The following SCUBE2 variants were observed in gnomAD, a reference collection of about 807,000 sequenced individuals.
The protein encoded by SCUBE2 is signal peptide, CUB and EGF-like domain-containing protein 2.
A neutral mutation model predicts 125.9 loss-of-function variants in SCUBE2; 114 were observed. The ratio of observed to expected loss-of-function variants is 0.91; its 90% CI spans 0.78 to 1.06. SCUBE2 has a LOEUF of 1.06. SCUBE2 is among the 50% of genes least tolerant of loss of function. The probability of loss-of-function intolerance (pLI) is 0.00; values close to 1 mark genes in which losing one functional copy is unlikely to be tolerated. For synonymous variants in SCUBE2, 459 were observed against 492.9 expected (o/e 0.93, Z 0.91); for missense variants, 1,255 against 1,301.8 (o/e 0.96, Z 0.55).
intron 2 of SCUBE2, among the ~76,000 whole-genome samples, chr11:9,086,409 C>T (rs1318819012): frequency 6.6e-6 from 1 of 152,166 alleles, no homozygotes; most frequent in East Asian, 1.9e-4. Flanking sequence ...TCCCAAGAGG[C>T]TCAAAAATTA....
rs781753213 is a variant in SCUBE2, at chr11:9,065,924, C to A, written c.817G>T (p.Gly273Trp). The A allele has an allele frequency of 3.1e-6, 5 of 1,614,208 alleles. No individual in the cohort carries two copies. The highest frequency in any genetic ancestry group is 4.2e-6 in the Non-Finnish European group (5 of 1,180,038). Residue 273 changes from glycine to tryptophan, a missense_variant, in exon 7 of 23, where the codon GGG becomes TGG. This residue lies in a region of SCUBE2 where 378 missense variants were observed against 463.1 expected (regional missense o/e 0.82). Transcript: ENST00000649792. ...TESNTTSVVD[G>W]DKRVKRRLLM... Reference sequence around the variant, plus strand: ...AGCCGCCGTTTCACCCGTTTATCCCCATCCACCACTGATGTGGTGTTGCTC... The same window carrying A: ...AGCCGCCGTTTCACCCGTTTATCCCAATCCACCACTGATGTGGTGTTGCTC...
At chr11:9,080,686 G>T (rs1007184898) in intron 2 of SCUBE2, among the ~76,000 whole-genome samples, 2 of 149,688 alleles carry the variant, frequency 1.3e-5, no homozygotes, top group African/African-American at 4.9e-5. Flanking sequence ...AAATCTTTAA[G>T]ACATTGGATG....
At chr11:9,024,541 T>A in intron 21 of SCUBE2, 1 of 528,202 alleles carries the variant, frequency 1.9e-6, no homozygotes, top group Non-Finnish European at 3.2e-6. Context: ...AGATTAAGTC[T>A]ATCCTCCAGA....
chr11:9,043,244 T>C (rs1359779061), intron 16 of SCUBE2, among the ~76,000 whole-genome samples: 2 of 152,112 alleles, frequency 1.3e-5, no homozygotes, highest in East Asian at 3.9e-4. Context: ...CCAAATACAG[T>C]ATATATAATA....
At position 9,020,043 on chromosome 11, in the gene SCUBE2, G is replaced by A. The variant is rs1241459972; in HGVS notation, c.*1002C>T. ...CCTTCAAGGGGCTGCTCATGTCCAC[G>A]GAGCAGAGTCCGTCTCTCACATTTG... On this transcript the variant is annotated 3_prime_UTR_variant, in exon 23 of 23. Transcript: ENST00000649792. 1.3e-5 allele frequency among the ~76,000 whole-genome samples: 2 copies of A among 152,178 alleles called. No individual in the cohort carries two copies. The highest frequency in any genetic ancestry group is 2.9e-5 in the Non-Finnish European group (2 of 68,032).
intron 7 of SCUBE2, among the ~76,000 whole-genome samples, chr11:9,064,121 A>C (rs1859959462): frequency 1.3e-5 from 2 of 152,134 alleles, no homozygotes; most frequent in African/African-American, 4.8e-5. Flanking sequence ...GCTAAATCCT[A>C]GTCTTTCATA....
intron 5 of SCUBE2, among the ~76,000 whole-genome samples, chr11:9,067,558 C>T (rs1860367044): frequency 6.6e-6 from 1 of 151,962 alleles, no homozygotes; most frequent in South Asian, 2.1e-4. Flanking sequence ...TTTGTGTTGT[C>T]CTGTGATTAT....
At chr11:9,034,001 C>T (rs1306452335) in intron 16 of SCUBE2, among the ~76,000 whole-genome samples, 1 of 152,208 alleles carries the variant, frequency 6.6e-6, no homozygotes, top group Non-Finnish European at 1.5e-5. Flanking sequence ...GAGGTGTTTA[C>T]AGCTCTGTCT....
intron 1 of SCUBE2, among the ~76,000 whole-genome samples, chr11:9,090,536 T>G (rs1862595699): frequency 6.6e-6 from 1 of 151,966 alleles, no homozygotes; most frequent in South Asian, 2.1e-4. Context: ...GTATATTTTA[T>G]GTGTGGCCCA....
At chr11:9,065,866 A>C in intron 7 of SCUBE2, 25 bp downstream of exon 7, 1 of 1,602,516 alleles carries the variant, frequency 6.2e-7, no homozygotes, top group Non-Finnish European at 8.6e-7. Flanking sequence ...TGCAGTGGCC[A>C]AGGAAAGGGA....
intron 8 of SCUBE2, 26 bp downstream of exon 8, chr11:9,060,382 A>T: frequency 6.4e-7 from 1 of 1,572,844 alleles, no homozygotes; most frequent in South Asian, 1.1e-5. Flanking sequence ...CAGGGCACCC[A>T]GTCTCCCTGG....
chr11:9,022,702 C>T (rs1290145533), intron 21 of SCUBE2: 1 of 152,568 alleles, frequency 6.6e-6, no homozygotes, highest in Non-Finnish European at 1.5e-5. Flanking sequence ...TGGTTTTCCT[C>T]CTACCTTACC....
At chr11:9,049,058 A>T (rs181830639) in intron 14 of SCUBE2, among the ~76,000 whole-genome samples, 101 of 152,170 alleles carry the variant, frequency 6.6e-4, no homozygotes, top group Middle Eastern at 3.4e-3. Context: ...TTCCATATAT[A>T]TTTTTTTAAC....
chr11:9,041,182 T>C (rs560418888), intron 16 of SCUBE2, among the ~76,000 whole-genome samples: 2 of 152,366 alleles, frequency 1.3e-5, no homozygotes, highest in South Asian at 4.1e-4. Flanking sequence ...GTGATGAACA[T>C]AGTGTACTAG....
At chr11:9,025,570 A>C in intron 21 of SCUBE2, 132 bp downstream of exon 21, 1 of 1,111,108 alleles carries the variant, frequency 9.0e-7, no homozygotes, top group East Asian at 2.4e-5. Flanking sequence ...CTTGTGAGTC[A>C]GCAATGTCTT....
chr11:9,044,808 C>T (rs1857543989), intron 16 of SCUBE2, among the ~76,000 whole-genome samples: 1 of 152,146 alleles, frequency 6.6e-6, no homozygotes, highest in South Asian at 2.1e-4. Flanking sequence ...GTTCTCTTTG[C>T]CTGAAACTCT....
At chr11:9,080,456 C>T (rs1186519679) in intron 2 of SCUBE2, among the ~76,000 whole-genome samples, 1 of 152,010 alleles carries the variant, frequency 6.6e-6, no homozygotes, top group Non-Finnish European at 1.5e-5. Context: ...AGTTGCTGAC[C>T]TGGGCAACAT....
intron 3 of SCUBE2, 64 bp downstream of exon 3, chr11:9,079,320 C>T: frequency 6.3e-7 from 1 of 1,597,964 alleles, no homozygotes; most frequent in East Asian, 2.2e-5. Flanking sequence ...AGGAGGTCTT[C>T]ACCAAGGGAA....
chr11:9,068,847 C>A (rs1448782787), intron 5 of SCUBE2, among the ~76,000 whole-genome samples: 1 of 152,198 alleles, frequency 6.6e-6, no homozygotes, highest in Non-Finnish European at 1.5e-5. Context: ...AATTCCCCAC[C>A]AAAAGGTAGC....
Sources: gnomAD v4.1 joint callset for allele counts (sites outside exome capture counted in the v4.1 genomes callset) on GRCh38, gnomAD v4.1.1 for gene constraint, gnomAD v4.1.1 regional missense constraint, MANE v1.5 for transcripts, NCBI Gene and HGNC (gene_info 2026-07-23, HGNC 2026-07-21) for gene names.